MATCAP2: variants seen among roughly 807,000 people sequenced by gnomAD.
MATCAP2 encodes the protein putative tyrosine carboxypeptidase MATCAP2.
chr7:36,333,995 G>C, the MATCAP2 span: 10 of 1,613,872 alleles, frequency 6.2e-6, no homozygotes, highest in East Asian at 2.0e-4. Context: ...CAGTGTAGTA[G>C]AGGAGGGCAG....
chr7:36,373,594 A>G, the MATCAP2 span, among the ~76,000 whole-genome samples: 1 of 152,046 alleles, frequency 6.6e-6, no homozygotes, highest in South Asian at 2.1e-4. Flanking sequence ...AAGGGAGTTT[A>G]GACTTTATTC....
the MATCAP2 span, chr7:36,330,868 T>G: frequency 4.5e-5 from 28 of 615,844 alleles, no homozygotes; most frequent in African/African-American, 3.9e-4. Context: ...AGAAAATTTG[T>G]TCTGACAATA....
the MATCAP2 span, among the ~76,000 whole-genome samples, chr7:36,342,181 C>CT: frequency 0.1 from 14,405 of 142,732 alleles, 829 homozygotes; most frequent in East Asian, 0.19. Context: ...CTACATAGGT[C>CT]TTTTTTTTTT....
At chr7:36,352,765 G>A in the MATCAP2 span, among the ~76,000 whole-genome samples, 2 of 151,386 alleles carry the variant, frequency 1.3e-5, no homozygotes, top group East Asian at 1.9e-4. Flanking sequence ...CTGGGAGGCT[G>A]AGGCTGCAGT....
At chr7:36,382,962 A>T in the MATCAP2 span, among the ~76,000 whole-genome samples, 1 of 152,216 alleles carries the variant, frequency 6.6e-6, no homozygotes, top group Non-Finnish European at 1.5e-5. Flanking sequence ...AATAAAAAGG[A>T]GATTAAAGTT....
chr7:36,366,830 C>T, the MATCAP2 span: 3 of 1,519,264 alleles, frequency 2.0e-6, no homozygotes, highest in Non-Finnish European at 2.6e-6. Flanking sequence ...CGCGCCCAGC[C>T]GGTGGCTACC....
chr7:36,366,966 G>A, the MATCAP2 span: 1 of 1,343,544 alleles, frequency 7.4e-7, no homozygotes, highest in Non-Finnish European at 9.5e-7. Context: ...CGGGGCGGCG[G>A]GCTCCGCGGG....
At chr7:36,365,573 G>A in the MATCAP2 span, among the ~76,000 whole-genome samples, 11 of 152,120 alleles carry the variant, frequency 7.2e-5, no homozygotes, top group African/African-American at 2.4e-4. Context: ...GGTAGCATGC[G>A]TCTGTAATCC....
the MATCAP2 span, among the ~76,000 whole-genome samples, chr7:36,349,053 T>C: frequency 6.6e-6 from 1 of 152,288 alleles, no homozygotes; most frequent in Non-Finnish European, 1.5e-5. Context: ...GGATAAATGC[T>C]GTGACCGATA....
chr7:36,372,681 G>A, the MATCAP2 span, among the ~76,000 whole-genome samples: 1 of 152,134 alleles, frequency 6.6e-6, no homozygotes, highest in South Asian at 2.1e-4. Context: ...ATATTTTGGA[G>A]AAACCAAGAT....
chr7:36,360,280 C>G, the MATCAP2 span, among the ~76,000 whole-genome samples: 6 of 152,130 alleles, frequency 3.9e-5, no homozygotes, highest in Non-Finnish European at 7.4e-5. Context: ...TTTGTGCCAT[C>G]TGAAACAGCC....
At chr7:36,373,921 A>G in the MATCAP2 span, among the ~76,000 whole-genome samples, 2 of 151,906 alleles carry the variant, frequency 1.3e-5, no homozygotes, top group Admixed American at 1.3e-4. Context: ...AGTAGCTGGG[A>G]CTACAGGTGC....
chr7:36,341,853 T>A, the MATCAP2 span, among the ~76,000 whole-genome samples: 1 of 152,212 alleles, frequency 6.6e-6, no homozygotes, highest in South Asian at 2.1e-4. Context: ...GATGGTGCCT[T>A]GATTTTGGAC....
the MATCAP2 span, chr7:36,325,073 G>A: frequency 6.6e-6 from 1 of 152,188 alleles, no homozygotes; most frequent in African/African-American, 2.4e-5. Flanking sequence ...CTTTTGATAA[G>A]TTTTTAGATG....
chr7:36,368,991 A>AT, the MATCAP2 span, among the ~76,000 whole-genome samples: 2 of 151,756 alleles, frequency 1.3e-5, no homozygotes, highest in Admixed American at 6.6e-5. Context: ...TCTCTGCTTT[A>AT]TTTTTTTTAC....
the MATCAP2 span, chr7:36,355,234 A>C: frequency 6.6e-6 from 1 of 152,252 alleles, no homozygotes; most frequent in Non-Finnish European, 1.5e-5. Flanking sequence ...GTAGGTGCCA[A>C]GCACGATGAT....
the MATCAP2 span, among the ~76,000 whole-genome samples, chr7:36,385,967 C>T: frequency 2.1e-3 from 312 of 151,976 alleles, no homozygotes; most frequent in South Asian, 0.025. Flanking sequence ...CTAGCCTGGC[C>T]AACATGGGGA....
chr7:36,331,471 G>GA, the MATCAP2 span, among the ~76,000 whole-genome samples: 1 of 152,180 alleles, frequency 6.6e-6, no homozygotes, highest in African/African-American at 2.4e-5. Flanking sequence ...GCCTGAGCAG[G>GA]ATAGTTTTAG....
At chr7:36,389,850 G>A in the MATCAP2 span, 1 of 1,180,804 alleles carries the variant, frequency 8.5e-7, no homozygotes, top group Non-Finnish European at 1.2e-6. Flanking sequence ...AATTTGAACG[G>A]CTGCAGAGGC....
Sources: gnomAD v4.1 joint callset for allele counts (sites outside exome capture counted in the v4.1 genomes callset) on GRCh38, gnomAD v4.1.1 for gene constraint, MANE v1.5 for transcripts, NCBI Gene and HGNC (gene_info 2026-07-23, HGNC 2026-07-21) for gene names.